The following MLXIP variants were observed in gnomAD, a reference collection of about 807,000 sequenced individuals.
MLXIP encodes MLX interacting protein, also known as MLX-interacting protein.
MLXIP carries 30 observed loss-of-function variants against 87.2 expected under a neutral mutation model. The observed-to-expected ratio is 0.34, with a 90% CI of 0.26 to 0.47. MLXIP has a LOEUF of 0.47. Ranked by LOEUF, MLXIP falls within the 20% of genes least tolerant of loss-of-function variation. The probability of loss-of-function intolerance (pLI) is 1.00; values close to 1 mark genes in which losing one functional copy is unlikely to be tolerated. For synonymous variants in MLXIP, 530 were observed against 514.0 expected (o/e 1.03, Z -0.42); for missense variants, 1,002 against 1,240.1 (o/e 0.81, Z 2.88).
At chr12:122,129,685 T>C in intron 5 of MLXIP, 56 bp downstream of exon 5, 2 of 1,596,688 alleles carry the variant, frequency 1.3e-6, no homozygotes, top group Non-Finnish European at 1.7e-6. Context: ...CAGCAGGGAC[T>C]TCGGTGGCCC....
rs1384059891 is a variant in MLXIP, at chr12:122,137,550, G to A, written c.2114G>A (p.Cys705Tyr). ...SPSPQSPQNNCSGKSDPKNVA... is the reference protein window; with the variant it reads ...SPSPQSPQNNYSGKSDPKNVA... ...AGTCCTCAATCTCCCCAGAACAACT[G>A]CTCAGGGAAATCCGACCCCAAAAAT... Residue 705 changes from cysteine to tyrosine, a missense_variant, in exon 12 of 17, where the codon TGC becomes TAC. By Grantham distance (194) the Cys-to-Tyr change is radical (BLOSUM62 -2). This residue lies in a region of MLXIP where 746 missense variants were observed against 897.0 expected (regional missense o/e 0.83). Transcript: ENST00000319080. This position sits in a 1 kb window ranked among gnomAD's most constrained non-coding sequence, Gnocchi z 4.1. 1 of 1,614,010 alleles carries A rather than the reference G, an allele frequency of 6.2e-7. No homozygotes were observed. The highest frequency in any genetic ancestry group is 8.5e-7 in the Non-Finnish European group (1 of 1,179,882).
chr12:122,138,389 TG>T (rs770039558), intron 13 of MLXIP, 34 bp from the exon 14 acceptor site: 5 of 1,610,888 alleles, frequency 3.1e-6, no homozygotes, highest in Non-Finnish European at 4.2e-6. Flanking sequence ...CTGCTGGCTG[TG>T]GGTGCTGCCT....
intron 1 of MLXIP, among the ~76,000 whole-genome samples, chr12:122,087,878 A>G (rs1952191170): frequency 1.3e-5 from 2 of 152,166 alleles, no homozygotes; most frequent in African/African-American, 4.8e-5. Context: ...TTGCTGGTGA[A>G]TTGGACCTGG....
At chr12:122,130,373 G>C (rs1593108089) in intron 6 of MLXIP, among the ~76,000 whole-genome samples, 1 of 152,000 alleles carries the variant, frequency 6.6e-6, no homozygotes, top group Admixed American at 6.6e-5. Flanking sequence ...GCAGGGTCTA[G>C]TCTGAGTCAT....
chr12:122,111,575 C>A (rs1952606650), intron 1 of MLXIP, among the ~76,000 whole-genome samples: 1 of 152,108 alleles, frequency 6.6e-6, no homozygotes, highest in Non-Finnish European at 1.5e-5. Flanking sequence ...TGTGGCTTAG[C>A]CGTTTGGTCA....
chr12:122,103,856 G>A lies in MLXIP; in HGVS notation c.414-23400G>A, dbSNP rs995680317. ...ATTTTGTTTGTTTTTTTTTTTTTTT[G>A]TAGAGACAGGGTTTTGCTGTGTTGT... On this transcript the variant is annotated intron_variant, in intron 1 of 16. Transcript: ENST00000319080. 8.6e-4 allele frequency among the ~76,000 whole-genome samples: 84 copies of A among 97,698 alleles called. 1 individual carries two copies. The highest frequency in any genetic ancestry group is 8.3e-5 in the Non-Finnish European group (4 of 47,906). 64.1% of individuals were successfully genotyped at this position (97,698 alleles called of 152,430 possible).
chr12:122,078,756 A>G lies in MLXIP; in HGVS notation c.-98A>G. The G allele has an allele frequency of 2.1e-6, 2 of 965,218 alleles. No homozygotes were observed. The highest frequency in any genetic ancestry group is 1.2e-6 in the Non-Finnish European group (1 of 808,180). 59.8% of individuals were successfully genotyped at this position (965,218 alleles called of 1,614,324 possible). A position where few individuals can be genotyped will look rare whatever the true frequency, so the allele number is the denominator to read the frequency against. The stretch of plus-strand genomic sequence containing the variant: ...CCCGCCGCGCCGCGCGCTCGCGGAC[A>G]GTCGGCGCGCGGGCCGGGCCGGGCC... On this transcript the variant is annotated 5_prime_UTR_variant, in exon 1 of 17. Transcript: ENST00000319080.
At position 122,111,951 on chromosome 12, in the gene MLXIP, TTTC is replaced by T. The variant is rs957169977; in HGVS notation, c.414-15302_414-15300del. 5.9e-5 allele frequency among the ~76,000 whole-genome samples: 9 copies of T among 152,234 alleles called. 1 individual carries two copies. The highest frequency in any genetic ancestry group is 1.2e-4 in the Non-Finnish European group (8 of 68,044). On this transcript the variant is annotated intron_variant, in intron 1 of 16. Transcript: ENST00000319080. The stretch of plus-strand genomic sequence containing the variant: ...ATCCCAATCAACATATTAAAATAGT[TTTC>T]TTTTTTCTTTTAGAATAGTTTTATT...
At position 122,133,328 on chromosome 12, in the gene MLXIP, C is replaced by T; in HGVS notation, c.1093-20C>T. On this transcript the variant is annotated intron_variant, in intron 8 of 16. Coordinates refer to ENST00000319080, the MANE Select transcript of MLXIP (RefSeq NM_014938.6). This position sits in a 1 kb window ranked among gnomAD's most constrained non-coding sequence, Gnocchi z 4.9. ...GTCTGACCCCAGCATTGCTTCCTGG[C>T]TCCTTTCTTCCTTTTTCAGGAGAGC... 6.5e-7 allele frequency: 1 copy of T among 1,536,084 alleles called. No individual in the cohort carries two copies. The highest frequency in any genetic ancestry group is 8.8e-7 in the Non-Finnish European group (1 of 1,140,608).
chr12:122,131,441 CTTT>C (rs1174308802), intron 7 of MLXIP, among the ~76,000 whole-genome samples: 2 of 76,542 alleles, frequency 2.6e-5, no homozygotes, highest in African/African-American at 5.1e-5. Context: ...TTGTTTGAGT[CTTT>C]TTTTTTTTTT....
chr12:122,113,745 T>C (rs1952641722), intron 1 of MLXIP, among the ~76,000 whole-genome samples: 1 of 132,756 alleles, frequency 7.5e-6, no homozygotes, highest in Admixed American at 8.7e-5. Flanking sequence ...AGTACAGTGG[T>C]ACGATCTCAG....
intron 1 of MLXIP, among the ~76,000 whole-genome samples, chr12:122,104,074 T>C (rs1010057167): frequency 1.3e-5 from 2 of 152,214 alleles, no homozygotes; most frequent in African/African-American, 4.8e-5. Flanking sequence ...GTCCCACTAG[T>C]GTTATTTAAG....
At position 122,079,003 on chromosome 12, in the gene MLXIP, C is replaced by T; in HGVS notation, c.150C>T (p.Ala50=). ...PPPASGAATP[A]RAHASAAPPP... is the part of the protein sequence containing the mutation. Reference sequence around the variant, plus strand: ...CCGCCTCCGGCGCGGCCACCCCGGCCCGGGCCCACGCGAGCGCCGCGCCAC... The same window carrying T: ...CCGCCTCCGGCGCGGCCACCCCGGCTCGGGCCCACGCGAGCGCCGCGCCAC... Residue 50 remains alanine (A), a synonymous_variant, in exon 1 of 17, where the codon GCC becomes GCT. Coordinates refer to ENST00000319080, the MANE Select transcript of MLXIP (RefSeq NM_014938.6). 8.5e-7 allele frequency: 1 copy of T among 1,183,048 alleles called. No homozygotes were observed. The highest frequency in any genetic ancestry group is 1.0e-6 in the Non-Finnish European group (1 of 957,034). The allele number at this position is 1,183,048 out of a possible 1,614,324, so 73.3% of individuals were successfully genotyped here.
Position 122,141,103 on chromosome 12 carries a change from G to C in MLXIP, c.2638+20G>C, listed in dbSNP as rs1331750387. The C allele has an allele frequency of 6.3e-7, 1 of 1,598,900 alleles. No homozygotes were observed. Among genetic ancestry groups the C allele is most frequent in the Admixed American group, 1.7e-5 (1 of 59,134 alleles). ...GGCCGAGTGAGTGGGGCAGTGCCAGGGTGGGGGGCTTCATGCTAGTCCTGG... is the reference window on the plus strand; with the variant it reads ...GGCCGAGTGAGTGGGGCAGTGCCAGCGTGGGGGGCTTCATGCTAGTCCTGG... On this transcript the variant is annotated intron_variant, in intron 16 of 16. Transcript: ENST00000319080.
At chr12:122,129,877 G>A (rs1363007609) in intron 5 of MLXIP, 64 bp from the exon 6 acceptor site, 13 of 1,556,316 alleles carry the variant, frequency 8.4e-6, no homozygotes, top group Admixed American at 7.2e-5. Context: ...GGTGACAGGC[G>A]TGGGAATTCT....
At chr12:122,101,570 T>TTTA (rs1211976113) in intron 1 of MLXIP, among the ~76,000 whole-genome samples, 176 of 98,916 alleles carry the variant, frequency 1.8e-3, no homozygotes, top group African/African-American at 5.3e-3. Flanking sequence ...TTATTTATTT[T>TTTA]TTTCTTTTTT....
chr12:122,135,044 G>A lies in MLXIP; in HGVS notation c.1733-180G>A. 1 of 670,634 alleles carries A rather than the reference G, an allele frequency of 1.5e-6. No individual in the cohort carries two copies. Among genetic ancestry groups the A allele is most frequent in the African/African-American group, 1.8e-5 (1 of 55,892 alleles). The allele number at this position is 670,634 out of a possible 1,614,324, so 41.5% of individuals were successfully genotyped here. On this transcript the variant is annotated intron_variant, in intron 9 of 16. Coordinates refer to ENST00000319080, the MANE Select transcript of MLXIP (RefSeq NM_014938.6). This position sits in a 1 kb window ranked among gnomAD's most constrained non-coding sequence, Gnocchi z 5.3. ...CATGGTCCTGGCCATCTCTTTCCTG[G>A]GTCTATAACATGTCTCCTTCAAGAA...
intron 1 of MLXIP, among the ~76,000 whole-genome samples, chr12:122,097,109 T>C (rs1952364840): frequency 6.6e-6 from 1 of 152,228 alleles, no homozygotes; most frequent in South Asian, 2.1e-4. Flanking sequence ...AACACTTGCA[T>C]TGTCAGAAGA....
At chr12:122,112,074 TTAGA>T (rs1277790161) in intron 1 of MLXIP, among the ~76,000 whole-genome samples, 1 of 152,230 alleles carries the variant, frequency 6.6e-6, no homozygotes, top group Non-Finnish European at 1.5e-5. Context: ...CTAACCTTAC[TTAGA>T]TAGTAAAGTA....
Sources: gnomAD v4.1 joint callset for allele counts (sites outside exome capture counted in the v4.1 genomes callset) on GRCh38, gnomAD v4.1.1 for gene constraint, gnomAD v4.1.1 regional missense constraint, Gnocchi (gnomAD v3.1) non-coding constraint, MANE v1.5 for transcripts, NCBI Gene and HGNC (gene_info 2026-07-23, HGNC 2026-07-21) for gene names.